Variants in SVOPL observed in about 807,000 individuals in gnomAD.
SVOPL encodes SVOP like.
In SVOPL, 60 loss-of-function variants were observed where a neutral mutation model predicts 61.0. The ratio of observed to expected loss-of-function variants is 0.98; its 90% CI spans 0.80 to 1.22. SVOPL has a LOEUF of 1.22. Ranked by LOEUF, SVOPL falls within the 50% of genes most tolerant of loss-of-function variation. The pLI, the probability that SVOPL is intolerant of heterozygous loss-of-function variation, is 0.00. For synonymous variants in SVOPL, 279 were observed against 250.0 expected (o/e 1.12, Z -1.09); for missense variants, 662 against 643.9 (o/e 1.03, Z -0.30).
Position 138,628,249 on chromosome 7 carries a change from G to C in SVOPL, c.978C>G (p.Asp326Glu). The change falls in exon 11 of 16, where the codon GAC becomes GAG. Residue 326 changes from aspartate (D) to glutamate (E), a missense_variant. Transcript: ENST00000674285. ...AGCAGGGGCTCTGGCTCTCCCCTGA[G>C]TCCCCCCCAGTCACCACCACCGCAG... The part of the protein sequence containing the change: ...SDSAVVVTGG[D>E]SGESQSPCYC... The C allele has an allele frequency of 1.2e-6, 2 of 1,614,160 alleles. No homozygotes were observed. Among genetic ancestry groups the C allele is most frequent in the East Asian group, 4.5e-5 (2 of 44,884 alleles).
At chr7:138,674,514 G>A (rs112339797) in intron 3 of SVOPL, among the ~76,000 whole-genome samples, 3,734 of 151,936 alleles carry the variant, frequency 0.025, 120 homozygotes, top group East Asian at 0.1. Flanking sequence ...GGGGTGGCCT[G>A]GCAGAGAGCC....
intron 9 of SVOPL, among the ~76,000 whole-genome samples, chr7:138,640,896 C>A (rs1417666395): frequency 6.6e-6 from 1 of 152,032 alleles, no homozygotes; most frequent in Non-Finnish European, 1.5e-5. Context: ...CACACATGTA[C>A]CCCCTGAATC....
chr7:138,641,117 C>A (rs1322629185), intron 9 of SVOPL, among the ~76,000 whole-genome samples: 1 of 151,540 alleles, frequency 6.6e-6, no homozygotes, highest in Non-Finnish European at 1.5e-5. Context: ...GTAGGAGGAT[C>A]GAGCCTGGAA....
intron 8 of SVOPL, among the ~76,000 whole-genome samples, chr7:138,645,418 C>A (rs1801050884): frequency 6.6e-6 from 1 of 152,186 alleles, no homozygotes; most frequent in African/African-American, 2.4e-5. Flanking sequence ...AGGCTGTTGG[C>A]TCTTCCTCAG....
chr7:138,658,150 C>T (rs1801836119), intron 6 of SVOPL, among the ~76,000 whole-genome samples: 1 of 152,078 alleles, frequency 6.6e-6, no homozygotes, highest in Non-Finnish European at 1.5e-5. Flanking sequence ...TGAAACCAGT[C>T]CTGCTGATCT....
chr7:138,627,923 G>A (rs548978877), intron 11 of SVOPL, among the ~76,000 whole-genome samples: 1 of 152,196 alleles, frequency 6.6e-6, no homozygotes, highest in Non-Finnish European at 1.5e-5. Context: ...ATGTTAAAAT[G>A]TAAGGGTGAA....
chr7:138,610,948 A>T (rs1184622769), intron 14 of SVOPL, among the ~76,000 whole-genome samples: 4 of 152,220 alleles, frequency 2.6e-5, no homozygotes, highest in Non-Finnish European at 4.4e-5. Flanking sequence ...GTTTCACTTC[A>T]CTGACTGTGC....
At chr7:138,634,448 G>A (rs1414870834) in intron 9 of SVOPL, among the ~76,000 whole-genome samples, 1 of 151,288 alleles carries the variant, frequency 6.6e-6, no homozygotes, top group Non-Finnish European at 1.5e-5. Context: ...TTTAAGACCA[G>A]CCTGGGCCAG....
intron 14 of SVOPL, among the ~76,000 whole-genome samples, chr7:138,599,874 C>T (rs1317319328): frequency 4.5e-5 from 6 of 133,872 alleles, no homozygotes; most frequent in South Asian, 2.3e-4. Flanking sequence ...GACGATGGAG[C>T]GAGACTCCGT....
At chr7:138,611,860 A>T in intron 14 of SVOPL, among the ~76,000 whole-genome samples, 1 of 76,870 alleles carries the variant, frequency 1.3e-5, no homozygotes, top group Admixed American at 2.1e-4. Context: ...CCGAGATTGC[A>T]GCCTCTGCCC....
At chr7:138,598,416 T>C (rs565351005) in intron 14 of SVOPL, among the ~76,000 whole-genome samples, 1 of 152,322 alleles carries the variant, frequency 6.6e-6, no homozygotes, top group Middle Eastern at 3.4e-3. Flanking sequence ...CAACAATTGA[T>C]AGGACTATTA....
intron 14 of SVOPL, among the ~76,000 whole-genome samples, chr7:138,613,499 A>G (rs1470444377): frequency 6.6e-6 from 1 of 151,968 alleles, no homozygotes; most frequent in Middle Eastern, 3.2e-3. Context: ...CCTGGAACAC[A>G]CTGATGTCTG....
intron 1 of SVOPL, among the ~76,000 whole-genome samples, chr7:138,697,628 AAAG>A (rs779680729): frequency 0.21 from 24,285 of 112,990 alleles, 2,799 homozygotes; most frequent in East Asian, 0.5. Flanking sequence ...AAAAAAAAAA[AAAG>A]AAGAAGAAGA....
At chr7:138,597,669 T>TGTGTGTGTGTGTGTGTGTGTGTGTGTGTG (rs1554449334) in intron 14 of SVOPL, among the ~76,000 whole-genome samples, 1 of 151,582 alleles carries the variant, frequency 6.6e-6, no homozygotes, top group African/African-American at 2.4e-5. Context: ...TGTGTGTGTG[T>TGTGTGTGTGTGTGTGTGTGTGTGTGTGTG]TTTACTGCTG....
At chr7:138,601,251 C>CA (rs59761826) in intron 14 of SVOPL, among the ~76,000 whole-genome samples, 47,986 of 98,784 alleles carry the variant, frequency 0.49, 10,534 homozygotes, top group Middle Eastern at 0.53. Flanking sequence ...GATTCCATCT[C>CA]AAAAAAAAAA....
intron 9 of SVOPL, among the ~76,000 whole-genome samples, chr7:138,639,138 C>G (rs878980047): frequency 6.6e-6 from 1 of 152,032 alleles, no homozygotes; most frequent in Admixed American, 6.6e-5. Flanking sequence ...GCCTGTAGTC[C>G]CAGCTACTTG....
chr7:138,630,173 GGA>G, intron 9 of SVOPL, 51 bp from the exon 10 acceptor site: 1 of 1,455,116 alleles, frequency 6.9e-7, no homozygotes, highest in Non-Finnish European at 9.6e-7. Flanking sequence ...AAGGATGAAC[GGA>G]GATGTTTCCA....
chr7:138,697,783 AAGG>A (rs927298066), intron 1 of SVOPL, among the ~76,000 whole-genome samples: 14 of 151,102 alleles, frequency 9.3e-5, no homozygotes, highest in Admixed American at 7.3e-4. Flanking sequence ...GGAGGAGGAG[AAGG>A]AGAAGAAGAA....
rs530730386 is a variant in SVOPL at position 138,690,319 on chromosome 7, G to A, written c.-35+10859C>T. The stretch of plus-strand genomic sequence containing the variant: ...GTCACCCAGGCTGGAGTGCAATGGC[G>A]TGATCTGAGCTCACTGTAACTTCCA... On this transcript the variant is annotated intron_variant, in intron 1 of 15. Coordinates refer to ENST00000674285, the MANE Select transcript of SVOPL (RefSeq NM_001139456.2). Among the ~76,000 whole-genome samples, 15 of 152,238 alleles carry A rather than the reference G, an allele frequency of 9.9e-5. No individual in the cohort carries two copies. The South Asian group carries it at 2.1e-3, about 21-fold the overall frequency.
Sources: allele counts gnomAD v4.1 joint callset (sites outside exome capture counted in the v4.1 genomes callset), GRCh38; gene constraint gnomAD v4.1.1; transcripts MANE v1.5; gene names NCBI Gene and HGNC (gene_info 2026-07-23, HGNC 2026-07-21).